LRP1B: variants seen among roughly 807,000 people sequenced by gnomAD.
The protein encoded by LRP1B is low-density lipoprotein receptor-related protein 1B.
LRP1B carries 217 observed loss-of-function variants against 556.6 expected under a neutral mutation model. That is an observed-to-expected ratio of 0.39 (90% CI 0.35 to 0.44). The LOEUF (loss-of-function observed/expected upper bound fraction) is 0.44. LRP1B is among the 20% of genes least tolerant of loss of function. LRP1B has a pLI of 1.00. For missense variants in LRP1B, 5,053 were observed against 5,620.8 expected (o/e 0.90, Z 3.23); for synonymous variants, 2,047 against 1,865.8 (o/e 1.10, Z -2.50).
At chr2:141,256,634 C>G (rs1373030197) in intron 3 of LRP1B, among the ~76,000 whole-genome samples, 1 of 151,792 alleles carries the variant, frequency 6.6e-6, no homozygotes, top group Non-Finnish European at 1.5e-5. Context: ...AGAAAGATGG[C>G]CAAACACTTG....
chr2:140,684,490 G>A (rs1685976700), intron 41 of LRP1B, among the ~76,000 whole-genome samples: 1 of 152,142 alleles, frequency 6.6e-6, no homozygotes, highest in Non-Finnish European at 1.5e-5. Flanking sequence ...AACCTGCCTT[G>A]CCAGTTCATC....
chr2:140,763,055 A>T (rs1688981482), intron 35 of LRP1B, among the ~76,000 whole-genome samples: 1 of 152,148 alleles, frequency 6.6e-6, no homozygotes, highest in South Asian at 2.1e-4. Context: ...GTATCAGAGT[A>T]TGGAGTAATT....
intron 2 of LRP1B, among the ~76,000 whole-genome samples, chr2:141,807,812 C>T (rs913381030): frequency 2.0e-5 from 3 of 151,972 alleles, no homozygotes; most frequent in Non-Finnish European, 2.9e-5. Flanking sequence ...GAGATTTTGA[C>T]CATTTTGAGT....
chr2:141,324,153 C>CAA (rs1687355046), intron 3 of LRP1B, among the ~76,000 whole-genome samples: 1 of 139,492 alleles, frequency 7.2e-6, no homozygotes, highest in Non-Finnish European at 1.6e-5. Flanking sequence ...AACAAGGAAA[C>CAA]CACACACACA....
Position 140,473,587 on chromosome 2 carries a change from T to C in LRP1B, c.9625+1551A>G, listed in dbSNP as rs16844059. Among the ~76,000 whole-genome samples the C allele has an allele frequency of 5.1e-3, 771 of 151,990 alleles. 8 individuals carry two copies. Among genetic ancestry groups the C allele is most frequent in the African/African-American group, 0.016 (661 of 41,532 alleles). On this transcript the variant is annotated intron_variant, in intron 60 of 90. Coordinates refer to ENST00000389484, the MANE Select transcript of LRP1B (RefSeq NM_018557.3). ...ATAAGTAGGAGATGAAGTCAATAGT[T>C]TCTAATAGATCTAATATTTTTAACA...
At position 140,503,044 on chromosome 2, in the gene LRP1B, T is replaced by C. The variant is rs1488141484; in HGVS notation, c.8581A>G (p.Thr2861Ala). Reference protein sequence around the residue: ...SCADGRCLLNTQWQCDGDFDC... With the variant: ...SCADGRCLLNAQWQCDGDFDC... The stretch of plus-strand genomic sequence containing the variant: ...AAGTCTCCATCACACTGCCATTGAG[T>C]ATTTAGAAGACACCGCCCATCAGCA... The change falls in exon 54 of 91, where the codon ACT becomes GCT. Residue 2861 changes from threonine to alanine, a missense_variant. By Grantham distance (58) the Thr-to-Ala change is moderately conservative. Transcript: ENST00000389484. 2 of 1,613,294 alleles carry C rather than the reference T, an allele frequency of 1.2e-6. No individual in the cohort carries two copies. The highest frequency in any genetic ancestry group is 2.2e-5 in the South Asian group (2 of 91,050).
intron 86 of LRP1B, chr2:140,269,157 G>A (rs974413748): frequency 7.3e-6 from 3 of 409,990 alleles, no homozygotes; most frequent in Admixed American, 2.8e-5. Context: ...TGAGCCCCGA[G>A]ATTAAGTATA....
At chr2:141,272,980 C>G (rs1017367361) in intron 3 of LRP1B, among the ~76,000 whole-genome samples, 2 of 152,182 alleles carry the variant, frequency 1.3e-5, no homozygotes, top group African/African-American at 4.8e-5. Context: ...TAGTTGACAT[C>G]TACAACATCT....
chr2:141,496,220 T>C (rs149048581), intron 2 of LRP1B, among the ~76,000 whole-genome samples: 3 of 152,074 alleles, frequency 2.0e-5, no homozygotes, highest in African/African-American at 7.2e-5. Context: ...AATTTGTATG[T>C]ATGTGTCATA....
intron 5 of LRP1B, among the ~76,000 whole-genome samples, chr2:141,245,999 A>G (rs1399785561): frequency 1.3e-5 from 2 of 152,176 alleles, no homozygotes; most frequent in African/African-American, 4.8e-5. Context: ...AACAAATCCA[A>G]CAAGTTCTGT....
At chr2:140,869,261 A>G (rs983810727) in intron 25 of LRP1B, among the ~76,000 whole-genome samples, 2 of 152,098 alleles carry the variant, frequency 1.3e-5, no homozygotes, top group African/African-American at 4.8e-5. Context: ...CCTCTCTAGT[A>G]TGCATGTACT....
At chr2:141,625,601 G>A (rs13007142) in intron 2 of LRP1B, among the ~76,000 whole-genome samples, 1 of 152,074 alleles carries the variant, frequency 6.6e-6, no homozygotes, top group Non-Finnish European at 1.5e-5. Context: ...CCCAGGCATA[G>A]TACGTGATCG....
At chr2:141,968,224 G>A (rs1228340975) in intron 1 of LRP1B, among the ~76,000 whole-genome samples, 1 of 151,642 alleles carries the variant, frequency 6.6e-6, no homozygotes, top group African/African-American at 2.4e-5. Context: ...CAACATCCCG[G>A]CAAAAAGCCT....
chr2:140,542,071 G>A, intron 43 of LRP1B, 100 bp from the exon 44 acceptor site: 1 of 699,224 alleles, frequency 1.4e-6, no homozygotes, highest in South Asian at 4.1e-5. Context: ...GGATTAGTTG[G>A]ATTTAATTAA....
intron 1 of LRP1B, among the ~76,000 whole-genome samples, chr2:142,055,795 G>T (rs561044842): frequency 6.6e-6 from 1 of 152,008 alleles, no homozygotes; most frequent in African/African-American, 2.4e-5. Context: ...ATACTGCAAG[G>T]CTTTACTAAA....
chr2:140,687,603 T>C lies in LRP1B; in HGVS notation c.6799+12647A>G, dbSNP rs1436496925. ...TTTTTTTTAGTACAAGTTCTTTTAA[T>C]ATACTCTTTCTCTCTCTCTCTCAGT... is the stretch of plus-strand genomic sequence containing the variant. On this transcript the variant is annotated intron_variant, in intron 41 of 90. Coordinates refer to ENST00000389484, the MANE Select transcript of LRP1B (RefSeq NM_018557.3). Among the ~76,000 whole-genome samples, 4 of 152,078 alleles carry C rather than the reference T, an allele frequency of 2.6e-5. No individual in the cohort carries two copies. In the East Asian group the frequency reaches 7.7e-4, roughly 29 times the overall value.
intron 37 of LRP1B, among the ~76,000 whole-genome samples, chr2:140,707,466 A>G (rs559507015): frequency 6.6e-6 from 1 of 152,250 alleles, no homozygotes; most frequent in African/African-American, 2.4e-5. Flanking sequence ...CCTTTACATG[A>G]GCATAAGCTT....
At chr2:141,082,884 G>A (rs1699960383) in intron 7 of LRP1B, among the ~76,000 whole-genome samples, 1 of 152,194 alleles carries the variant, frequency 6.6e-6, no homozygotes, top group South Asian at 2.1e-4. Flanking sequence ...CCTGTAATGA[G>A]CATGGGCCAA....
At chr2:140,538,537 C>T (rs1253971432) in intron 45 of LRP1B, among the ~76,000 whole-genome samples, 1 of 149,792 alleles carries the variant, frequency 6.7e-6, no homozygotes, top group Admixed American at 6.7e-5. Flanking sequence ...TTAACTCTCT[C>T]GATGATAACA....
Sources: allele counts gnomAD v4.1 joint callset (sites outside exome capture counted in the v4.1 genomes callset), GRCh38; gene constraint gnomAD v4.1.1; transcripts MANE v1.5; gene names NCBI Gene and HGNC (gene_info 2026-07-23, HGNC 2026-07-21).